The following CLPB variants were observed in gnomAD, a reference collection of about 807,000 sequenced individuals.
CLPB encodes the protein ClpB family mitochondrial disaggregase, also known as mitochondrial disaggregase.
A neutral mutation model predicts 78.4 loss-of-function variants in CLPB; 40 were observed. That is an observed-to-expected ratio of 0.51 (90% CI 0.40 to 0.66). The LOEUF (loss-of-function observed/expected upper bound fraction) is 0.66, where lower values mean the gene tolerates loss of function less well. CLPB is among the 30% of genes least tolerant of loss of function. CLPB has a pLI of 0.00. For synonymous variants in CLPB, 333 were observed against 348.0 expected, an observed-to-expected ratio of 0.96 and a Z score of 0.48; for missense variants, 780 against 886.9, an observed-to-expected ratio of 0.88 and a Z score of 1.53.
intron 7 of CLPB, among the ~76,000 whole-genome samples, chr11:72,314,216 G>C (rs1035265832): frequency 2.6e-5 from 4 of 152,196 alleles, no homozygotes; most frequent in Non-Finnish European, 4.4e-5. Context: ...CTTCCCCAGG[G>C]GAGCATGTGG....
intron 5 of CLPB, among the ~76,000 whole-genome samples, chr11:72,335,780 A>C (rs1950309956): frequency 6.6e-6 from 1 of 152,112 alleles, no homozygotes; most frequent in African/African-American, 2.4e-5. Context: ...GAGCTCAATA[A>C]TATTTGCCAG....
rs1310934924 is a variant in CLPB, at chr11:72,285,887, C to A, written c.*7480G>T. 1 of 151,036 alleles carries A rather than the reference C, an allele frequency of 6.6e-6. No individual in the cohort carries two copies. Among genetic ancestry groups the A allele is most frequent in the Non-Finnish European group, 1.5e-5 (1 of 67,850 alleles). The allele number at this position is 151,036 out of a possible 1,614,324, so 9.4% of individuals were successfully genotyped here. A position where few individuals can be genotyped will look rare whatever the true frequency, so the allele number is the denominator to read the frequency against. On this transcript the variant is annotated 3_prime_UTR_variant, in exon 16 of 16. Coordinates refer to ENST00000538039, the MANE Select transcript of CLPB (RefSeq NM_001258392.3). ...GATTATTGCTAGAATACAGAAAAAA[C>A]AATTGATTTTTGTACAGTTATCTTT...
intron 3 of CLPB, among the ~76,000 whole-genome samples, chr11:72,384,684 A>C (rs2135025630): frequency 6.6e-6 from 1 of 152,354 alleles, no homozygotes; most frequent in Middle Eastern, 3.4e-3. Context: ...CATAGACTAA[A>C]TACGAAGGAA....
chr11:72,366,103 T>C (rs937033685), intron 4 of CLPB, among the ~76,000 whole-genome samples: 9 of 152,166 alleles, frequency 5.9e-5, no homozygotes, highest in Non-Finnish European at 1.5e-5. Flanking sequence ...AAACAAACTA[T>C]CAACAGAGTA....
intron 5 of CLPB, among the ~76,000 whole-genome samples, chr11:72,331,188 G>A (rs1950218878): frequency 6.6e-6 from 1 of 151,970 alleles, no homozygotes; most frequent in South Asian, 2.1e-4. Flanking sequence ...GTGATCACGA[G>A]GTCAGGAGAT....
intron 12 of CLPB, 75 bp from the exon 13 acceptor site, chr11:72,294,768 G>T: frequency 7.9e-7 from 1 of 1,259,328 alleles, no homozygotes; most frequent in Non-Finnish European, 1.2e-6. Context: ...CCCTTGGCCT[G>T]CCCATGGAAA....
intron 5 of CLPB, among the ~76,000 whole-genome samples, chr11:72,332,518 AAAAAAGGAAAGG>A (rs1456092767): frequency 2.0e-5 from 3 of 152,080 alleles, no homozygotes; most frequent in Non-Finnish European, 4.4e-5. Flanking sequence ...AAAAGGAAAG[AAAAAAGGAAAGG>A]AAAAAGGAAA....
Position 72,408,193 on chromosome 11 carries a change from A to G in CLPB, c.456-5141T>C, listed in dbSNP as rs776889452. ...TTCTTGACTGAGCATCATTCTTTGC[A>G]GTCTCTTGGGGCTGAGGTATAATGG... On this transcript the variant is annotated intron_variant, in intron 2 of 15. Transcript: ENST00000538039. 2.6e-6 allele frequency: 4 copies of G among 1,535,288 alleles called. No homozygotes were observed. The South Asian group carries it at 4.8e-5, about 18-fold the overall frequency.
At chr11:72,351,348 C>T (rs149623704) in intron 5 of CLPB, 1 of 152,336 alleles carries the variant, frequency 6.6e-6, no homozygotes, top group Non-Finnish European at 1.5e-5. Context: ...CTATTTTGCT[C>T]ATTTGTCTCC....
intron 2 of CLPB, among the ~76,000 whole-genome samples, chr11:72,426,980 G>A (rs1435329267): frequency 2.0e-5 from 3 of 152,192 alleles, no homozygotes; most frequent in African/African-American, 7.2e-5. Context: ...TCAGAGTGGG[G>A]GGAAGAGGCA....
chr11:72,326,815 G>A (rs560573535), intron 6 of CLPB, among the ~76,000 whole-genome samples: 6 of 151,694 alleles, frequency 4.0e-5, no homozygotes, highest in African/African-American at 1.5e-4. Flanking sequence ...ACAAAAGCCT[G>A]CCTCACAATT....
rs35655496 is a variant in CLPB, at chr11:72,416,735, CAAAAAAAA to C, written c.455+13569_455+13576del. 8.7e-3 allele frequency among the ~76,000 whole-genome samples: 440 copies of C among 50,684 alleles called. 4 individuals are homozygous for C. The highest frequency in any genetic ancestry group is 0.04 in the East Asian group (93 of 2,342). 33.3% of individuals were successfully genotyped at this position (50,684 alleles called of 152,430 possible). A position where few individuals can be genotyped will look rare whatever the true frequency, so the allele number is the denominator to read the frequency against. ...TGGATGACAGAGCAAGACTCCGTCT[CAAAAAAAA>C]AAAAAAAAAAAAGAAAAAAGAATGA... is the stretch of plus-strand genomic sequence containing the variant. On this transcript the variant is annotated intron_variant, in intron 2 of 15. Coordinates refer to ENST00000538039, the MANE Select transcript of CLPB (RefSeq NM_001258392.3).
chr11:72,361,351 A>C (rs1472597001), intron 4 of CLPB, among the ~76,000 whole-genome samples: 1 of 151,908 alleles, frequency 6.6e-6, no homozygotes, highest in Non-Finnish European at 1.5e-5. Flanking sequence ...TCTAACATAC[A>C]AGTCCCATGT....
intron 5 of CLPB, among the ~76,000 whole-genome samples, chr11:72,337,813 T>C (rs1220450689): frequency 6.6e-6 from 1 of 152,178 alleles, no homozygotes; most frequent in Admixed American, 6.5e-5. Context: ...AAAGCTAAGA[T>C]AGGGGCATTT....
intron 7 of CLPB, among the ~76,000 whole-genome samples, chr11:72,310,792 G>C (rs773910930): frequency 6.6e-6 from 1 of 152,146 alleles, no homozygotes; most frequent in Non-Finnish European, 1.5e-5. Context: ...TCATGTACCT[G>C]GGGTTCTGAT....
intron 2 of CLPB, among the ~76,000 whole-genome samples, chr11:72,416,297 T>C (rs929549889): frequency 2.6e-5 from 4 of 152,240 alleles, no homozygotes; most frequent in African/African-American, 9.6e-5. Flanking sequence ...ACCTTGCCTG[T>C]GAAGCCCTAA....
At chr11:72,339,097 GA>G (rs1950372229) in intron 5 of CLPB, among the ~76,000 whole-genome samples, 1 of 152,208 alleles carries the variant, frequency 6.6e-6, no homozygotes, top group Non-Finnish European at 1.5e-5. Context: ...GTTTATCTAT[GA>G]CATGGATATC....
intron 9 of CLPB, among the ~76,000 whole-genome samples, chr11:72,306,065 C>G (rs143898825): frequency 6.6e-6 from 1 of 152,198 alleles, no homozygotes; most frequent in African/African-American, 2.4e-5. Context: ...CTTAAAAATG[C>G]TATCTCGGTC....
At chr11:72,380,423 A>G in intron 3 of CLPB, 39 bp from the exon 4 acceptor site, 1 of 1,550,134 alleles carries the variant, frequency 6.5e-7, no homozygotes, top group Non-Finnish European at 8.9e-7. Flanking sequence ...CAAAAGCAAG[A>G]AAGGCCCAGG....
Sources: allele counts gnomAD v4.1 joint callset (sites outside exome capture counted in the v4.1 genomes callset), GRCh38; gene constraint gnomAD v4.1.1; transcripts MANE v1.5; gene names NCBI Gene and HGNC (gene_info 2026-07-23, HGNC 2026-07-21).